The following PHLPP1 variants were observed in gnomAD, a reference collection of about 807,000 sequenced individuals.
PHLPP1 encodes PH domain leucine-rich repeat-containing protein phosphatase 1.
A neutral mutation model predicts 117.2 loss-of-function variants in PHLPP1; 42 were observed. That is an observed-to-expected ratio of 0.36 (90% CI 0.28 to 0.46). The LOEUF (loss-of-function observed/expected upper bound fraction) is 0.46. PHLPP1 is among the 20% of genes least tolerant of loss of function. The pLI is 1.00. For synonymous variants in PHLPP1, 1,042 were observed against 970.7 expected (o/e 1.07, Z -1.37); for missense variants, 2,084 against 2,241.9 (o/e 0.93, Z 1.42).
At chr18:62,894,576 T>C (rs1916506098) in intron 4 of PHLPP1, among the ~76,000 whole-genome samples, 1 of 152,222 alleles carries the variant, frequency 6.6e-6, no homozygotes, top group South Asian at 2.1e-4. Flanking sequence ...TTTTATTATT[T>C]CAGTTTTGGG....
chr18:62,764,816 G>A (rs1318773774), intron 1 of PHLPP1, among the ~76,000 whole-genome samples: 5 of 152,170 alleles, frequency 3.3e-5, no homozygotes, highest in Non-Finnish European at 7.3e-5. Context: ...CCATATCCAC[G>A]GATGTCATCT....
intron 13 of PHLPP1, among the ~76,000 whole-genome samples, chr18:62,959,454 A>G (rs751993400): frequency 3.9e-5 from 6 of 152,200 alleles, no homozygotes; most frequent in Non-Finnish European, 8.8e-5. Flanking sequence ...ATGCATACAC[A>G]CATCTAGAAA....
chr18:62,833,264 G>A lies in PHLPP1; in HGVS notation c.1773+3033G>A, dbSNP rs1914802697. On this transcript the variant is annotated intron_variant, in intron 2 of 16. Coordinates refer to ENST00000262719, the MANE Select transcript of PHLPP1 (RefSeq NM_194449.4). ...AATTTTTGTACTTTTAGTAGAGACA[G>A]GGTTTCACCGTGTTGGCCAGGCTGG... is the stretch of plus-strand genomic sequence containing the variant. 2.0e-5 allele frequency among the ~76,000 whole-genome samples: 3 copies of A among 152,122 alleles called. No individual in the cohort carries two copies. In the South Asian group the frequency reaches 6.2e-4, roughly 32 times the overall value.
chr18:62,958,557 G>C, intron 12 of PHLPP1, 72 bp from the exon 13 acceptor site: 1 of 1,469,214 alleles, frequency 6.8e-7, no homozygotes, highest in Non-Finnish European at 9.5e-7. Context: ...CATGCAAAGA[G>C]TAGGAGTATA....
chr18:62,718,667 T>G (rs766151299), intron 1 of PHLPP1, among the ~76,000 whole-genome samples: 4 of 152,270 alleles, frequency 2.6e-5, no homozygotes, highest in Non-Finnish European at 5.9e-5. Context: ...GATGATTTTT[T>G]ATGTAAGATC....
At position 62,861,148 on chromosome 18, in the gene PHLPP1, G is replaced by A. The variant is rs1478555380; in HGVS notation, c.2066+547G>A. On this transcript the variant is annotated intron_variant, in intron 4 of 16. Coordinates refer to ENST00000262719, the MANE Select transcript of PHLPP1 (RefSeq NM_194449.4). ...TTTTTTTGAGACAGAGTCTTGCTCT[G>A]TCTCAGGCTGGAGTGCAGTGGCATG... Among the ~76,000 whole-genome samples the A allele has an allele frequency of 2.0e-5, 3 of 152,114 alleles. No homozygotes were observed. The East Asian group carries it at 5.8e-4, about 29-fold the overall frequency.
At chr18:62,885,001 A>G (rs138929454) in intron 4 of PHLPP1, among the ~76,000 whole-genome samples, 51 of 152,308 alleles carry the variant, frequency 3.3e-4, no homozygotes, top group African/African-American at 1.2e-3. Flanking sequence ...CATGCTGTTT[A>G]TTTGGTTTTA....
At chr18:62,780,926 T>A (rs12961401) in intron 1 of PHLPP1, among the ~76,000 whole-genome samples, 9,997 of 152,242 alleles carry the variant, frequency 0.066, 391 homozygotes, top group Middle Eastern at 0.088. Context: ...CAGTTTTCAA[T>A]GCCAGTGGAA....
intron 1 of PHLPP1, among the ~76,000 whole-genome samples, chr18:62,726,042 G>A (rs376729361): frequency 2.6e-5 from 4 of 152,044 alleles, no homozygotes; most frequent in African/African-American, 7.2e-5. Flanking sequence ...AGGAACTCTC[G>A]TGTATAAACA....
chr18:62,850,757 A>G (rs1405981386), intron 3 of PHLPP1, among the ~76,000 whole-genome samples: 1 of 152,114 alleles, frequency 6.6e-6, no homozygotes, highest in Non-Finnish European at 1.5e-5. Context: ...ATGATTTTGG[A>G]AAGCTGTTAG....
intron 1 of PHLPP1, among the ~76,000 whole-genome samples, chr18:62,761,916 G>A (rs1003791653): frequency 4.6e-5 from 7 of 151,912 alleles, no homozygotes; most frequent in Non-Finnish European, 7.4e-5. Context: ...TCCTCTGTAA[G>A]CATTTTTTAA....
intron 2 of PHLPP1, among the ~76,000 whole-genome samples, chr18:62,834,950 C>G (rs749875689): frequency 6.6e-6 from 1 of 151,848 alleles, no homozygotes; most frequent in Admixed American, 6.6e-5. Flanking sequence ...TTTAAAAAAT[C>G]GTATTTTCTG....
chr18:62,871,503 A>G (rs529810165), intron 4 of PHLPP1, among the ~76,000 whole-genome samples: 2 of 151,038 alleles, frequency 1.3e-5, no homozygotes, highest in South Asian at 4.2e-4. Context: ...TAATTTTTGT[A>G]TTATTGTAGA....
intron 1 of PHLPP1, among the ~76,000 whole-genome samples, chr18:62,786,887 T>C (rs1265107339): frequency 6.6e-6 from 1 of 152,198 alleles, no homozygotes; most frequent in African/African-American, 2.4e-5. Flanking sequence ...ATAATTAGAA[T>C]GAGTATTTGG....
At chr18:62,907,282 A>G (rs1433585709) in intron 8 of PHLPP1, among the ~76,000 whole-genome samples, 3 of 33,878 alleles carry the variant, frequency 8.9e-5, no homozygotes, top group African/African-American at 2.9e-4. Flanking sequence ...GTTCCTCACC[A>G]GCAACAGAAC....
At chr18:62,825,050 C>T (rs1237510447) in intron 1 of PHLPP1, among the ~76,000 whole-genome samples, 1 of 152,022 alleles carries the variant, frequency 6.6e-6, no homozygotes, top group Non-Finnish European at 1.5e-5. Context: ...CCTCAGTCTC[C>T]CGGGTTCAAG....
intron 13 of PHLPP1, among the ~76,000 whole-genome samples, chr18:62,963,159 T>G (rs1007374706): frequency 6.6e-6 from 1 of 152,230 alleles, no homozygotes; most frequent in African/African-American, 2.4e-5. Context: ...TAAAACTAAT[T>G]TTCGTGCTCT....
At chr18:62,873,001 A>AG (rs1273660206) in intron 4 of PHLPP1, among the ~76,000 whole-genome samples, 35 of 148,076 alleles carry the variant, frequency 2.4e-4, no homozygotes, top group African/African-American at 8.3e-4. Flanking sequence ...AAAAAAAAAA[A>AG]AAAAAAGAAA....
chr18:62,869,869 A>T (rs1915855997), intron 4 of PHLPP1, among the ~76,000 whole-genome samples: 1 of 152,192 alleles, frequency 6.6e-6, no homozygotes, highest in African/African-American at 2.4e-5. Context: ...TTTGTAAAAA[A>T]CTAGGCTTTA....
Sources: gnomAD v4.1 joint callset for allele counts (sites outside exome capture counted in the v4.1 genomes callset) on GRCh38, gnomAD v4.1.1 for gene constraint, MANE v1.5 for transcripts, NCBI Gene and HGNC (gene_info 2026-07-23, HGNC 2026-07-21) for gene names.